CRACDL: variants seen among roughly 807,000 people sequenced by gnomAD.
The protein encoded by CRACDL is CRACD like, also known as CRACD-like protein.
Under a neutral mutation model 70.6 loss-of-function variants are expected in CRACDL, and 26 were observed. The ratio of observed to expected loss-of-function variants is 0.37; its 90% confidence interval spans 0.27 to 0.51. The LOEUF is 0.51. CRACDL is among the 20% of genes least tolerant of loss of function. The probability of loss-of-function intolerance (pLI) is 0.94; values close to 1 mark genes in which losing one functional copy is unlikely to be tolerated. For synonymous variants in CRACDL, 618 were observed against 615.2 expected (o/e 1.00, Z -0.07); for missense variants, 1,283 against 1,376.9 (o/e 0.93, Z 1.08).
intron 1 of CRACDL, chr2:98,869,474 C>T: frequency 3.8e-6 from 1 of 261,608 alleles, no homozygotes; most frequent in Non-Finnish European, 7.6e-6. Flanking sequence ...CTGTGATTGG[C>T]ATCCCCACTG....
chr2:98,796,457 T>C (rs1416614280), intron 8 of CRACDL, among the ~76,000 whole-genome samples, 193 bp from the exon 9 acceptor site: 2 of 152,202 alleles, frequency 1.3e-5, no homozygotes, highest in Non-Finnish European at 2.9e-5. Flanking sequence ...GTATGCGGCC[T>C]TATCCTGGCA....
chr2:98,905,556 G>C (rs1708389943), intron 1 of CRACDL, among the ~76,000 whole-genome samples: 1 of 151,678 alleles, frequency 6.6e-6, no homozygotes, highest in Admixed American at 6.6e-5. Flanking sequence ...CTAACACACT[G>C]ACCTCAAACT....
At chr2:98,806,397 C>A (rs1011426100) in intron 7 of CRACDL, among the ~76,000 whole-genome samples, 1 of 152,282 alleles carries the variant, frequency 6.6e-6, no homozygotes, top group African/African-American at 2.4e-5. Flanking sequence ...CCTTACCAGG[C>A]TCTTTTCCTG....
intron 7 of CRACDL, among the ~76,000 whole-genome samples, chr2:98,818,600 G>C (rs1704890601): frequency 6.6e-6 from 1 of 152,208 alleles, no homozygotes. Flanking sequence ...TCTGGAAACA[G>C]AGTGATATTG....
chr2:98,929,516 G>T (rs1328808560), intron 1 of CRACDL, among the ~76,000 whole-genome samples: 2 of 152,144 alleles, frequency 1.3e-5, no homozygotes, highest in Admixed American at 6.5e-5. Context: ...AGGAGCCAGG[G>T]GAAGAAACCA....
chr2:98,899,781 A>C (rs1708217748), intron 1 of CRACDL, among the ~76,000 whole-genome samples: 1 of 151,840 alleles, frequency 6.6e-6, no homozygotes, highest in East Asian at 1.9e-4. Context: ...ACAGAGGCTC[A>C]GCAGGAGGGG....
chr2:98,913,998 C>A (rs1382491858), intron 1 of CRACDL, among the ~76,000 whole-genome samples: 1 of 152,238 alleles, frequency 6.6e-6, no homozygotes. Context: ...GCCTCGGCTG[C>A]CTCCCTCCCA....
intron 5 of CRACDL, 60 bp downstream of exon 5, chr2:98,832,288 C>A (rs1459285042): frequency 1.3e-6 from 2 of 1,585,686 alleles, no homozygotes; most frequent in African/African-American, 2.7e-5. Flanking sequence ...GATCTCAGAG[C>A]TCCAGCACCC....
intron 9 of CRACDL, among the ~76,000 whole-genome samples, chr2:98,795,077 A>ATATATATATATATATAT: frequency 1.2e-4 from 7 of 58,486 alleles, no homozygotes; most frequent in African/African-American, 4.6e-4. Flanking sequence ...ATATATATAT[A>ATATATATATATATATAT]TTTTTTTTTT....
chr2:98,882,747 C>T (rs1707688684), intron 1 of CRACDL, among the ~76,000 whole-genome samples: 1 of 151,968 alleles, frequency 6.6e-6, no homozygotes, highest in Non-Finnish European at 1.5e-5. Flanking sequence ...CATTTGAACC[C>T]CCCGATTCCA....
chr2:98,869,707 A>T (rs1335082746), intron 1 of CRACDL, among the ~76,000 whole-genome samples: 1 of 152,116 alleles, frequency 6.6e-6, no homozygotes, highest in Non-Finnish European at 1.5e-5. Flanking sequence ...CTTGATGTCC[A>T]CTTGCTATCT....
chr2:98,903,405 G>A (rs750349702), intron 1 of CRACDL, among the ~76,000 whole-genome samples: 3 of 152,142 alleles, frequency 2.0e-5, no homozygotes, highest in African/African-American at 4.8e-5. Flanking sequence ...CACATCGCTT[G>A]TAAAAATTCC....
At chr2:98,829,700 G>A (rs1001157983) in intron 5 of CRACDL, among the ~76,000 whole-genome samples, 63 of 152,180 alleles carry the variant, frequency 4.1e-4, no homozygotes, top group African/African-American at 1.4e-3. Context: ...GGAAACAGCT[G>A]GGGTCAGAAG....
chr2:98,797,221 C>T, intron 8 of CRACDL, 129 bp downstream of exon 8: 1 of 852,022 alleles, frequency 1.2e-6, no homozygotes, highest in East Asian at 2.5e-5. Flanking sequence ...ACCACACATC[C>T]ACAACCATCA....
Position 98,822,593 on chromosome 2 carries a change from C to A in CRACDL, c.1680G>T (p.Lys560Asn). ...GCAGCTCGGCACCGCCCCTCTCCGCCTTCCGCTCTGGCGCCGCCCTCTCGG... is the reference window on the plus strand; with the variant it reads ...GCAGCTCGGCACCGCCCCTCTCCGCATTCCGCTCTGGCGCCGCCCTCTCGG... ...AGAERAAPER[K>N]AERGGAELRG... Residue 560 changes from lysine (K) to asparagine (N), a missense_variant, in exon 7 of 10, where the codon AAG becomes AAT. Physicochemically the swap from Lys to Asn is moderately conservative, Grantham distance 94 (BLOSUM62 0). Coordinates refer to ENST00000397899, the MANE Select transcript of CRACDL (RefSeq NM_207362.3). The surrounding 1 kb of genome is among the most constrained non-coding windows in gnomAD (Gnocchi z 4.9). 1 of 1,434,152 alleles carries A rather than the reference C, an allele frequency of 7.0e-7. No homozygotes were observed. The highest frequency in any genetic ancestry group is 9.1e-7 in the Non-Finnish European group (1 of 1,099,554). 88.8% of individuals were successfully genotyped at this position (1,434,152 alleles called of 1,614,324 possible).
intron 1 of CRACDL, among the ~76,000 whole-genome samples, chr2:98,905,760 G>A (rs1051491237): frequency 2.6e-5 from 4 of 152,002 alleles, no homozygotes; most frequent in African/African-American, 7.2e-5. Flanking sequence ...TGGGATAACA[G>A]GCACATGCCA....
intron 5 of CRACDL, among the ~76,000 whole-genome samples, chr2:98,830,014 A>G (rs1415568459): frequency 2.6e-5 from 4 of 152,186 alleles, no homozygotes; most frequent in African/African-American, 9.6e-5. Flanking sequence ...TGGGGCATGT[A>G]TTTGTTCATT....
intron 1 of CRACDL, among the ~76,000 whole-genome samples, chr2:98,860,622 C>T (rs1706900257): frequency 6.6e-6 from 1 of 152,042 alleles, no homozygotes; most frequent in African/African-American, 2.4e-5. Context: ...TAAAAATTAC[C>T]CCAAAATGGC....
chr2:98,898,706 G>A (rs957287107), intron 1 of CRACDL, among the ~76,000 whole-genome samples: 9 of 152,188 alleles, frequency 5.9e-5, no homozygotes, highest in Admixed American at 6.5e-5. Flanking sequence ...AAACTGAGCC[G>A]TTGTGCGGAT....
Sources: allele counts gnomAD v4.1 joint callset (sites outside exome capture counted in the v4.1 genomes callset), GRCh38; gene constraint gnomAD v4.1.1; non-coding constraint Gnocchi (gnomAD v3.1); transcripts MANE v1.5; gene names NCBI Gene and HGNC (gene_info 2026-07-23, HGNC 2026-07-21).